Variants in LPAR3 observed in about 807,000 individuals in gnomAD.
The protein encoded by LPAR3 is lysophosphatidic acid receptor 3.
A neutral mutation model predicts 17.8 loss-of-function variants in LPAR3; 7 were observed. The observed-to-expected ratio is 0.39, with a 90% CI of 0.22 to 0.74. The LOEUF is 0.74. LPAR3 is among the 30% of genes least tolerant of loss of function. The pLI is 0.40. For synonymous variants in LPAR3, 179 were observed against 179.9 expected, an observed-to-expected ratio of 0.99 and a Z score of 0.04; for missense variants, 391 against 453.4, an observed-to-expected ratio of 0.86 and a Z score of 1.25.
chr1:84,878,109 T>G (rs907073494), intron 1 of LPAR3, among the ~76,000 whole-genome samples: 2 of 152,224 alleles, frequency 1.3e-5, no homozygotes, highest in Non-Finnish European at 2.9e-5. Context: ...CTTCTAAATT[T>G]GTTAGGAGCA....
intron 2 of LPAR3, among the ~76,000 whole-genome samples, chr1:84,848,698 A>G (rs1659638567): frequency 1.3e-5 from 2 of 152,186 alleles, no homozygotes; most frequent in Non-Finnish European, 2.9e-5. Flanking sequence ...TCTAAGCTGC[A>G]TGCAAACTCA....
At chr1:84,817,712 C>T (rs1658967543) in intron 2 of LPAR3, among the ~76,000 whole-genome samples, 2 of 151,670 alleles carry the variant, frequency 1.3e-5, no homozygotes, top group Admixed American at 1.3e-4. Context: ...CTTCTGACAC[C>T]ACGGCCAGCC....
At chr1:84,885,111 T>A (rs1660433317) in intron 1 of LPAR3, among the ~76,000 whole-genome samples, 1 of 152,110 alleles carries the variant, frequency 6.6e-6, no homozygotes, top group Non-Finnish European at 1.5e-5. Context: ...TCTGCATCAG[T>A]CATGACTTGG....
intron 2 of LPAR3, among the ~76,000 whole-genome samples, chr1:84,832,160 C>T (rs961782123): frequency 2.0e-5 from 3 of 152,234 alleles, no homozygotes; most frequent in Admixed American, 2.0e-4. Context: ...TGCTGTACTG[C>T]CGATCCACCA....
intron 2 of LPAR3, among the ~76,000 whole-genome samples, chr1:84,820,342 G>A (rs1171336399): frequency 2.6e-5 from 4 of 152,166 alleles, no homozygotes; most frequent in Admixed American, 1.3e-4. Flanking sequence ...CACAGGAGAT[G>A]AGCCAGGTGA....
intron 2 of LPAR3, among the ~76,000 whole-genome samples, chr1:84,841,116 C>G (rs938190924): frequency 6.6e-6 from 1 of 152,142 alleles, no homozygotes; most frequent in Non-Finnish European, 1.5e-5. Flanking sequence ...AACAGTTATC[C>G]AGGCTTTGGC....
chr1:84,866,817 A>T (rs1022731210), intron 1 of LPAR3, among the ~76,000 whole-genome samples: 1 of 152,168 alleles, frequency 6.6e-6, no homozygotes, highest in Admixed American at 6.5e-5. Flanking sequence ...TGATGCAGGG[A>T]TGGAGACTTT....
intron 1 of LPAR3, among the ~76,000 whole-genome samples, chr1:84,878,311 T>C (rs1330017764): frequency 6.6e-6 from 1 of 152,220 alleles, no homozygotes; most frequent in African/African-American, 2.4e-5. Context: ...CTCAGTGACT[T>C]GACGCTCCTG....
chr1:84,813,952 C>T lies in LPAR3; in HGVS notation c.956G>A (p.Arg319His), dbSNP rs763604546. 24 of 1,613,972 alleles carry T rather than the reference C, an allele frequency of 1.5e-5. No individual in the cohort carries two copies. The highest frequency in any genetic ancestry group is 4.4e-5 in the South Asian group (4 of 91,088). Reference protein sequence around the residue: ...CCFSQENPERRPSRIPSTVLS... With the variant: ...CCFSQENPERHPSRIPSTVLS... ...GACTGTGGAGGGGATGCGAGAGGGA[C>T]GCCTCTCTGGGTTCTCCTGAGAGAA... is the stretch of plus-strand genomic sequence containing the variant. Residue 319 changes from arginine (R) to histidine (H), a missense_variant, in exon 3 of 3, where the codon CGT becomes CAT. Transcript: ENST00000370611.
chr1:84,878,607 A>G (rs1025010607), intron 1 of LPAR3, among the ~76,000 whole-genome samples: 2 of 152,190 alleles, frequency 1.3e-5, no homozygotes, highest in African/African-American at 4.8e-5. Context: ...TGAGGGCAGC[A>G]TGTATGCACT....
chr1:84,884,959 C>T (rs1660430837), intron 1 of LPAR3, among the ~76,000 whole-genome samples: 1 of 152,188 alleles, frequency 6.6e-6, no homozygotes. Flanking sequence ...CGTTCTCTCA[C>T]TGTTCAGCAT....
At position 84,865,578 on chromosome 1, in the gene LPAR3, G is replaced by A; in HGVS notation, c.543C>T (p.Pro181=). 4 of 1,614,214 alleles carry A rather than the reference G, an allele frequency of 2.5e-6. No homozygotes were observed. Among genetic ancestry groups the A allele is most frequent in the Non-Finnish European group, 3.4e-6 (4 of 1,180,038 alleles). The change falls in exon 2 of 3, where the codon CCC becomes CCT. Residue 181 remains proline, a synonymous_variant. Transcript: ENST00000370611. Reference sequence around the variant, plus strand: ...AAACAAGGTAACTCCTGCTGTAAATGGGGGCCAGGGAAGAGCAGGCAGAGA... The same window carrying A: ...AAACAAGGTAACTCCTGCTGTAAATAGGGGCCAGGGAAGAGCAGGCAGAGA... ...CNISACSSLA[P]IYSRSYLVFW...
intron 1 of LPAR3, among the ~76,000 whole-genome samples, chr1:84,870,083 A>G (rs1442054810): frequency 1.3e-5 from 2 of 152,236 alleles, no homozygotes; most frequent in Non-Finnish European, 2.9e-5. Flanking sequence ...CTTATAACAA[A>G]TGACTGATTT....
At position 84,874,899 on chromosome 1, in the gene LPAR3, A is replaced by AT. The variant is rs11310847; in HGVS notation, c.-18-8762dup. ...CTGTTTGAAGGGGTTGAGAATGTCA[A>AT]TTTTTTTTTTTTTTTTTTGAGATGG... On this transcript the variant is annotated intron_variant, in intron 1 of 2. Coordinates refer to ENST00000370611, the MANE Select transcript of LPAR3 (RefSeq NM_012152.3). Among the ~76,000 whole-genome samples the AT allele has an allele frequency of 4.7e-3, 643 of 137,298 alleles. 2 individuals are homozygous for AT. The highest frequency in any genetic ancestry group is 9.8e-3 in the South Asian group (41 of 4,186). 90.1% of individuals were successfully genotyped at this position (137,298 alleles called of 152,430 possible). A position where few individuals can be genotyped will look rare whatever the true frequency, so the allele number is the denominator to read the frequency against.
intron 1 of LPAR3, among the ~76,000 whole-genome samples, chr1:84,877,476 A>G (rs1219242457): frequency 6.6e-6 from 1 of 152,144 alleles, no homozygotes; most frequent in Non-Finnish European, 1.5e-5. Context: ...GGGGGCTCAG[A>G]GCACAGAGAA....
At chr1:84,875,695 T>C (rs1660243245) in intron 1 of LPAR3, among the ~76,000 whole-genome samples, 1 of 152,212 alleles carries the variant, frequency 6.6e-6, no homozygotes, top group Non-Finnish European at 1.5e-5. Context: ...TAAGGCAAAT[T>C]CCCATGAAAA....
intron 2 of LPAR3, among the ~76,000 whole-genome samples, chr1:84,831,022 C>T (rs1659273064): frequency 6.6e-6 from 1 of 152,116 alleles, no homozygotes; most frequent in Non-Finnish European, 1.5e-5. Flanking sequence ...GCCTATTTCA[C>T]CTATATATAG....
At chr1:84,834,794 A>G (rs1659364505) in intron 2 of LPAR3, among the ~76,000 whole-genome samples, 1 of 152,134 alleles carries the variant, frequency 6.6e-6, no homozygotes, top group African/African-American at 2.4e-5. Flanking sequence ...CAGGGTGCCT[A>G]TCTATCCTCC....
rs192309670 is a variant in LPAR3 at position 84,836,121 on chromosome 1, G to A, written c.737-21950C>T. Among the ~76,000 whole-genome samples, 809 of 141,336 alleles carry A rather than the reference G, an allele frequency of 5.7e-3. 9 individuals carry two copies. Among genetic ancestry groups the A allele is most frequent in the African/African-American group, 0.02 (767 of 37,874 alleles). 92.7% of individuals were successfully genotyped at this position (141,336 alleles called of 152,430 possible). ...GGAGGCCAAGGCGGGCAAACTGCTT[G>A]AGCCCAGGAGTTCAAGACCAACCTG... On this transcript the variant is annotated intron_variant, in intron 2 of 2. Transcript: ENST00000370611.
Sources: allele counts gnomAD v4.1 joint callset (sites outside exome capture counted in the v4.1 genomes callset), GRCh38; gene constraint gnomAD v4.1.1; transcripts MANE v1.5; gene names NCBI Gene and HGNC (gene_info 2026-07-23, HGNC 2026-07-21).